SPICE1: variants seen among roughly 807,000 people sequenced by gnomAD.
SPICE1 encodes the protein spindle and centriole associated protein 1.
A neutral mutation model predicts 102.7 loss-of-function variants in SPICE1; 75 were observed. The ratio of observed to expected loss-of-function variants is 0.73; its 90% CI spans 0.61 to 0.88. The LOEUF is 0.88. Among genes scored for constraint, SPICE1 ranks in the 40% least tolerant of loss-of-function variants. The pLI, the probability that SPICE1 is intolerant of heterozygous loss-of-function variation, is 0.00. For synonymous variants in SPICE1, 308 were observed against 350.3 expected, an observed-to-expected ratio of 0.88 and a Z score of 1.35; for missense variants, 979 against 1,020.1, an observed-to-expected ratio of 0.96 and a Z score of 0.55.
At position 113,468,378 on chromosome 3, in the gene SPICE1, G is replaced by T. The variant is rs759056044; in HGVS notation, c.916C>A (p.Leu306Ile). 14 of 1,613,706 alleles carry T rather than the reference G, an allele frequency of 8.7e-6. No individual in the cohort carries two copies. In the South Asian group the frequency reaches 1.5e-4, roughly 18 times the overall value. ...KVKRKPNLHALSKPKKNISSG... is the reference protein window; with the variant it reads ...KVKRKPNLHAISKPKKNISSG... ...GATATGTTTTTCTTCGGCTTGGAAA[G>T]AGCATGCAAATTCGGTTTCCTTTTC... Residue 306 changes from leucine to isoleucine, a missense_variant, in exon 10 of 18, where the codon CTT (leucine) becomes ATT (isoleucine). Coordinates refer to ENST00000295872, the MANE Select transcript of SPICE1 (RefSeq NM_144718.4).
rs1384115749 is a variant in SPICE1 at position 113,443,907 on chromosome 3, T to C, written c.*1400A>G. 6.6e-6 allele frequency: 1 copy of C among 152,248 alleles called. No individual in the cohort carries two copies. The highest frequency in any genetic ancestry group is 2.4e-5 in the African/African-American group (1 of 41,472). The allele number at this position is 152,248 out of a possible 1,614,324, so 9.4% of individuals were successfully genotyped here. A position where few individuals can be genotyped will look rare whatever the true frequency, so the allele number is the denominator to read the frequency against. ...TAAATTCTGCTAACCAAAATAATTT[T>C]GTTTACAGCATAAGAATGATTATAT... On this transcript the variant is annotated 3_prime_UTR_variant, in exon 18 of 18. Transcript: ENST00000295872.
intron 13 of SPICE1, among the ~76,000 whole-genome samples, chr3:113,456,543 C>G (rs1935782708): frequency 6.6e-6 from 1 of 152,090 alleles, no homozygotes; most frequent in Non-Finnish European, 1.5e-5. Flanking sequence ...ATTCATGAAC[C>G]CTAAGTTAAG....
intron 7 of SPICE1, among the ~76,000 whole-genome samples, chr3:113,476,830 C>A (rs1455938249): frequency 4.7e-5 from 7 of 149,686 alleles, no homozygotes; most frequent in Non-Finnish European, 9.0e-5. Context: ...ACCATAAAAA[C>A]CCTAGAAGAA....
intron 6 of SPICE1, among the ~76,000 whole-genome samples, chr3:113,491,646 A>AAAAAAAAAAAAAAAT (rs1559972346): frequency 2.7e-5 from 4 of 150,386 alleles, no homozygotes; most frequent in African/African-American, 9.9e-5. Context: ...AAAAAAAAAA[A>AAAAAAAAAAAAAAAT]AAAGATTATC....
chr3:113,465,229 C>CT (rs1936025390), intron 11 of SPICE1, among the ~76,000 whole-genome samples: 2 of 152,062 alleles, frequency 1.3e-5, no homozygotes, highest in Admixed American at 6.6e-5. Flanking sequence ...GCAAAGAGGA[C>CT]TTTATGTAAC....
chr3:113,454,027 AC>A (rs1350503919), intron 13 of SPICE1, 77 bp from the exon 14 acceptor site: 2 of 1,314,416 alleles, frequency 1.5e-6, no homozygotes, highest in Non-Finnish European at 2.0e-6. Context: ...TCATTAGCCC[AC>A]CATGGTAGTT....
chr3:113,497,140 T>C (rs1408866352), intron 4 of SPICE1, among the ~76,000 whole-genome samples: 1 of 152,186 alleles, frequency 6.6e-6, no homozygotes, highest in African/African-American at 2.4e-5. Flanking sequence ...GGGTGACATG[T>C]AATAGGAGTA....
At position 113,494,551 on chromosome 3, in the gene SPICE1, G is replaced by C. The variant is rs568093240; in HGVS notation, c.292-409C>G. On this transcript the variant is annotated intron_variant, in intron 4 of 17. Coordinates refer to ENST00000295872, the MANE Select transcript of SPICE1 (RefSeq NM_144718.4). ...AGTCCCAGCTACTTGGGAGGCTGAG[G>C]CAGGAGAATGGCGTGAACCCGGGAG... 1.3e-4 allele frequency among the ~76,000 whole-genome samples: 19 copies of C among 151,722 alleles called. No individual in the cohort carries two copies. The South Asian group carries it at 3.8e-3, about 30-fold the overall frequency.
intron 7 of SPICE1, among the ~76,000 whole-genome samples, chr3:113,475,313 G>T (rs1936315030): frequency 6.6e-6 from 1 of 152,178 alleles, no homozygotes. Context: ...ATCAAAAAGA[G>T]TCAAGGACCA....
Position 113,465,642 on chromosome 3 carries a change from C to A in SPICE1, c.1287+11G>T. ...ACTGAACACATAAAAATTGGGATCTCATCTGAGTACCTGTGTAGCAGCGTT... is the reference window on the plus strand; with the variant it reads ...ACTGAACACATAAAAATTGGGATCTAATCTGAGTACCTGTGTAGCAGCGTT... On this transcript the variant is annotated intron_variant, in intron 11 of 17. Coordinates refer to ENST00000295872, the MANE Select transcript of SPICE1 (RefSeq NM_144718.4). 1 of 1,610,058 alleles carries A rather than the reference C, an allele frequency of 6.2e-7. No individual in the cohort carries two copies. The highest frequency in any genetic ancestry group is 8.5e-7 in the Non-Finnish European group (1 of 1,178,880).
chr3:113,459,979 C>T (rs569306793), intron 12 of SPICE1: 1 of 985,062 alleles, frequency 1.0e-6, no homozygotes, highest in Non-Finnish European at 1.2e-6. Context: ...TTTTGGTCAG[C>T]CACTTCTTAG....
chr3:113,450,388 C>T lies in SPICE1; in HGVS notation c.2271G>A (p.Leu757=). 1 of 1,614,098 alleles carries T rather than the reference C, an allele frequency of 6.2e-7. No individual in the cohort carries two copies. The highest frequency in any genetic ancestry group is 2.2e-5 in the East Asian group (1 of 44,880). Residue 757 remains leucine, a synonymous_variant, in exon 15 of 18, where the codon TTG becomes TTA. Transcript: ENST00000295872. ...QLIEQQKLVG[L]NLSPPMSPVQ... ...CAGGTGACATTGGTGGAGAAAGATT[C>T]AAACCAACAAGTTTCTGCTGCTCTA... is the stretch of plus-strand genomic sequence containing the variant.
rs542849510 is a variant in SPICE1, at chr3:113,478,909, G to A, written c.612-9671C>T. 1.7e-4 allele frequency among the ~76,000 whole-genome samples: 26 copies of A among 151,914 alleles called. No individual in the cohort carries two copies. The South Asian group carries it at 3.6e-3, about 21-fold the overall frequency. On this transcript the variant is annotated intron_variant, in intron 7 of 17. Coordinates refer to ENST00000295872, the MANE Select transcript of SPICE1 (RefSeq NM_144718.4). Reference sequence around the variant, plus strand: ...TTACAAATCACACTCTGAATGTAACGTAATAAAACTAGAAAAACAAAGAGG... The same window carrying A: ...TTACAAATCACACTCTGAATGTAACATAATAAAACTAGAAAAACAAAGAGG...
intron 7 of SPICE1, among the ~76,000 whole-genome samples, chr3:113,471,420 C>T (rs1012525868): frequency 1.3e-5 from 2 of 152,146 alleles, no homozygotes; most frequent in Admixed American, 1.3e-4. Context: ...TGTGCTGCAG[C>T]CACAATTTCA....
chr3:113,495,701 G>A lies in SPICE1; in HGVS notation c.292-1559C>T, dbSNP rs371810563. The stretch of plus-strand genomic sequence containing the variant: ...ACCAAATTTCTATTCTTACTTAGCC[G>A]TCTTGCAAGTACAAGGAATTATGAG... On this transcript the variant is annotated intron_variant, in intron 4 of 17. Transcript: ENST00000295872. Among the ~76,000 whole-genome samples the A allele has an allele frequency of 5.9e-4, 90 of 152,234 alleles. No homozygotes were observed. In the South Asian group the frequency reaches 0.014, roughly 25 times the overall value.
At chr3:113,498,089 TG>T (rs1482672179) in intron 4 of SPICE1, among the ~76,000 whole-genome samples, 1 of 152,180 alleles carries the variant, frequency 6.6e-6, no homozygotes, top group Admixed American at 6.5e-5. Flanking sequence ...TTGGCCAGGC[TG>T]GTCTTGAACT....
intron 8 of SPICE1, 27 bp downstream of exon 8, chr3:113,469,072 T>G: frequency 6.2e-7 from 1 of 1,603,900 alleles, no homozygotes; most frequent in Non-Finnish European, 8.5e-7. Context: ...AGCAGGCACC[T>G]AGAAATAATG....
intron 4 of SPICE1, among the ~76,000 whole-genome samples, chr3:113,496,069 T>C (rs1476847941): frequency 2.0e-5 from 3 of 149,464 alleles, no homozygotes; most frequent in Non-Finnish European, 4.5e-5. Flanking sequence ...CTTTTTTTTT[T>C]TTTTTTTTTT....
intron 7 of SPICE1, among the ~76,000 whole-genome samples, chr3:113,474,235 A>C (rs943167949): frequency 3.9e-5 from 6 of 152,064 alleles, no homozygotes; most frequent in African/African-American, 1.2e-4. Context: ...AAGAAGAGCT[A>C]ACTATCCTAA....
Sources: allele counts gnomAD v4.1 joint callset (sites outside exome capture counted in the v4.1 genomes callset), GRCh38; gene constraint gnomAD v4.1.1; transcripts MANE v1.5; gene names NCBI Gene and HGNC (gene_info 2026-07-23, HGNC 2026-07-21).